The following COLQ variants were observed in gnomAD, a reference collection of about 807,000 sequenced individuals.
COLQ encodes acetylcholinesterase collagenic tail peptide.
COLQ carries 48 observed loss-of-function variants against 69.0 expected under a neutral mutation model. The observed-to-expected ratio is 0.70, with a 90% CI of 0.55 to 0.88. COLQ has a LOEUF of 0.88. Ranked by LOEUF, COLQ falls within the 40% of genes least tolerant of loss-of-function variation. The pLI is 0.00. For synonymous variants in COLQ, 217 were observed against 211.2 expected (o/e 1.03, Z -0.24); for missense variants, 618 against 594.6 (o/e 1.04, Z -0.41).
At chr3:15,489,382 C>G (rs1194749317) in intron 2 of COLQ, 143 bp downstream of exon 2, 1 of 768,156 alleles carries the variant, frequency 1.3e-6, no homozygotes, top group Non-Finnish European at 2.3e-6. Context: ...CGGGGCTCAA[C>G]TTCTGGGTGA....
In COLQ at chr3:15,475,448, A is replaced by G; in HGVS notation, c.505T>C (p.Ser169Pro). The change falls in exon 7 of 17, where the codon TCA (serine) becomes CCA (proline). Residue 169 changes from serine to proline, a missense_variant. By Grantham distance (74) the Ser-to-Pro change is moderately conservative. Transcript: ENST00000383788. Reference sequence around the variant, plus strand: ...ACCTTGGAGCCCATTGGTCCTCTTGACCCTGGCAAGCCCATCATACCCAGG... The same window carrying G: ...ACCTTGGAGCCCATTGGTCCTCTTGGCCCTGGCAAGCCCATCATACCCAGG... The part of the protein sequence containing the change: ...GDLGMMGLPG[S>P]RGPMGSKGYP... The G allele has an allele frequency of 6.2e-7, 1 of 1,601,980 alleles. No individual in the cohort carries two copies. Among genetic ancestry groups the G allele is most frequent in the South Asian group, 1.1e-5 (1 of 88,760 alleles).
intron 1 of COLQ, among the ~76,000 whole-genome samples, chr3:15,494,350 G>A (rs148541012): frequency 2.1e-3 from 319 of 152,198 alleles, no homozygotes; most frequent in African/African-American, 7.3e-3. Context: ...AGAGAAACGG[G>A]GCCAACATGT....
chr3:15,508,758 C>T (rs916372122), intron 1 of COLQ, among the ~76,000 whole-genome samples: 11 of 151,464 alleles, frequency 7.3e-5, no homozygotes, highest in Non-Finnish European at 1.6e-4. Flanking sequence ...TTTGCCCATC[C>T]GATAGATGAA....
Position 15,474,013 on chromosome 3 carries a change from A to C in COLQ, c.623T>G (p.Met208Arg). Residue 208 changes from methionine (M) to arginine (R), a missense_variant, in exon 10 of 17, where the codon ATG becomes AGG. Met to Arg is a moderately conservative substitution (Grantham distance 91, BLOSUM62 -1). Coordinates refer to ENST00000383788, the MANE Select transcript of COLQ (RefSeq NM_005677.4). ...AAGGTTACTTACTTTCTGCCCCAAC[A>C]TTCCAGGAAATCCTGGGAAACCCTG... ...GEKGFPGFPG[M>R]LGQKGEMGPK... 1 of 1,614,170 alleles carries C rather than the reference A, an allele frequency of 6.2e-7. No individual in the cohort carries two copies. Among genetic ancestry groups the C allele is most frequent in the Non-Finnish European group, 8.5e-7 (1 of 1,180,016 alleles).
At chr3:15,456,320 A>G in intron 14 of COLQ, 140 bp downstream of exon 14, 2 of 1,156,618 alleles carry the variant, frequency 1.7e-6, no homozygotes, top group Non-Finnish European at 2.4e-6. Context: ...AGAGAGTTTG[A>G]GGGAGGATGC....
At chr3:15,487,763 A>T (rs1190520324) in intron 3 of COLQ, among the ~76,000 whole-genome samples, 1 of 152,124 alleles carries the variant, frequency 6.6e-6, no homozygotes, top group Non-Finnish European at 1.5e-5. Flanking sequence ...GCTGCTTGGT[A>T]GCAATACCTG....
At chr3:15,463,670 A>G (rs1166725272) in intron 12 of COLQ, among the ~76,000 whole-genome samples, 1 of 152,030 alleles carries the variant, frequency 6.6e-6, no homozygotes, top group Non-Finnish European at 1.5e-5. Context: ...GTGAGCCCCT[A>G]GGTACCCCAG....
At chr3:15,460,260 C>G (rs757278611) in intron 12 of COLQ, among the ~76,000 whole-genome samples, 1 of 152,010 alleles carries the variant, frequency 6.6e-6, no homozygotes, top group Non-Finnish European at 1.5e-5. Flanking sequence ...GTTTGATGAT[C>G]GAATGAATGA....
At chr3:15,499,428 CAT>C (rs2062801121) in intron 1 of COLQ, among the ~76,000 whole-genome samples, 1 of 152,178 alleles carries the variant, frequency 6.6e-6, no homozygotes, top group African/African-American at 2.4e-5. Flanking sequence ...TAAAGGTCAA[CAT>C]AGTAAATATT....
chr3:15,488,632 G>C (rs147199670), intron 2 of COLQ, among the ~76,000 whole-genome samples: 52 of 152,064 alleles, frequency 3.4e-4, no homozygotes, highest in Admixed American at 1.1e-3. Flanking sequence ...ACCAATAAGA[G>C]CAACACTGTA....
chr3:15,459,007 C>T (rs2062066852), intron 12 of COLQ, among the ~76,000 whole-genome samples: 1 of 151,992 alleles, frequency 6.6e-6, no homozygotes, highest in Non-Finnish European at 1.5e-5. Context: ...CCACACCAGG[C>T]TAATTTTTGT....
chr3:15,511,622 G>A (rs2062986231), intron 1 of COLQ, among the ~76,000 whole-genome samples: 1 of 152,162 alleles, frequency 6.6e-6, no homozygotes, highest in Admixed American at 6.5e-5. Context: ...CCACCATGAT[G>A]GTTCCCTACC....
intron 1 of COLQ, among the ~76,000 whole-genome samples, chr3:15,495,158 T>C (rs1041367808): frequency 2.0e-5 from 3 of 152,250 alleles, no homozygotes; most frequent in South Asian, 4.1e-4. Flanking sequence ...TAACAACAAC[T>C]TGGGGCTATA....
intron 3 of COLQ, among the ~76,000 whole-genome samples, chr3:15,482,389 T>A (rs1249557727): frequency 6.6e-6 from 1 of 152,234 alleles, no homozygotes; most frequent in Non-Finnish European, 1.5e-5. Context: ...GTCCCATCAA[T>A]ACCTAGTTTA....
In COLQ at chr3:15,467,127, C is replaced by T. The variant is rs867804822; in HGVS notation, c.718-690G>A. 2.0e-4 allele frequency among the ~76,000 whole-genome samples: 30 copies of T among 152,314 alleles called. No individual in the cohort carries two copies. In the South Asian group the frequency reaches 2.1e-3, roughly 11 times the overall value. On this transcript the variant is annotated intron_variant, in intron 11 of 16. Transcript: ENST00000383788. ...TGTGTGGTCATTTCATTGATGTCTC[C>T]CCATGAGACATACACTCCCTATGGG... is the stretch of plus-strand genomic sequence containing the variant.
At chr3:15,462,562 A>G (rs1051008855) in intron 12 of COLQ, among the ~76,000 whole-genome samples, 3 of 152,196 alleles carry the variant, frequency 2.0e-5, no homozygotes, top group African/African-American at 7.2e-5. Flanking sequence ...GAACCCACAG[A>G]ACCCCTGCCT....
At chr3:15,492,826 C>A (rs1210002675) in intron 1 of COLQ, among the ~76,000 whole-genome samples, 1 of 152,188 alleles carries the variant, frequency 6.6e-6, no homozygotes, top group East Asian at 1.9e-4. Flanking sequence ...CCCGGCTCAA[C>A]AGACAGTGAT....
At chr3:15,478,482 G>C in intron 5 of COLQ, 1 of 189,440 alleles carries the variant, frequency 5.3e-6, no homozygotes. Flanking sequence ...TGACACTAAT[G>C]AGAGCCTTGA....
chr3:15,475,002 G>C (rs1026811914), intron 7 of COLQ, 51 bp from the exon 8 acceptor site: 2 of 1,592,056 alleles, frequency 1.3e-6, no homozygotes, highest in Non-Finnish European at 1.7e-6. Flanking sequence ...GGACTTCTGA[G>C]TTTGGTGGAA....
Sources: allele counts gnomAD v4.1 joint callset (sites outside exome capture counted in the v4.1 genomes callset), GRCh38; gene constraint gnomAD v4.1.1; transcripts MANE v1.5; gene names NCBI Gene and HGNC (gene_info 2026-07-23, HGNC 2026-07-21).